FANCI: variants seen among roughly 807,000 people sequenced by gnomAD.
FANCI encodes the protein Fanconi anemia group I protein.
A neutral mutation model predicts 176.1 loss-of-function variants in FANCI; 156 were observed. The ratio of observed to expected loss-of-function variants is 0.89; its 90% CI spans 0.78 to 1.01. The LOEUF is 1.01. Ranked by LOEUF, FANCI falls within the 50% of genes least tolerant of loss-of-function variation. FANCI has a pLI of 0.00. For missense variants in FANCI, 1,678 were observed against 1,534.1 expected (o/e 1.09, Z -1.57); for synonymous variants, 613 against 541.7 (o/e 1.13, Z -1.83).
chr15:89,316,094 G>GCACT (rs2055237123), intron 37 of FANCI, among the ~76,000 whole-genome samples: 1 of 152,198 alleles, frequency 6.6e-6, no homozygotes, highest in African/African-American at 2.4e-5. Context: ...CTTGGCAGCT[G>GCACT]CACTCAGGAG....
chr15:89,276,896 G>A lies in FANCI; in HGVS notation c.1293+5G>A, dbSNP rs2053429799. On this transcript the variant is annotated splice_donor_5th_base_variant and intron_variant, in intron 13 of 37. Coordinates refer to ENST00000310775, the MANE Select transcript of FANCI (RefSeq NM_001113378.2). ...ATCCTGTTGGAAACTTTTAAGGTGA[G>A]ACACTATTTTGGCAACCACTCCCTA... 1 of 1,614,128 alleles carries A rather than the reference G, an allele frequency of 6.2e-7. No individual in the cohort carries two copies. The highest frequency in any genetic ancestry group is 8.5e-7 in the Non-Finnish European group (1 of 1,180,006).
At chr15:89,286,776 C>T (rs142838490) in intron 18 of FANCI, among the ~76,000 whole-genome samples, 328 of 152,266 alleles carry the variant, frequency 2.2e-3, no homozygotes, top group African/African-American at 7.6e-3. Context: ...ACAAGACAGT[C>T]AGCCTGTCCT....
At chr15:89,250,068 A>G (rs893321503) in intron 2 of FANCI, among the ~76,000 whole-genome samples, 1 of 152,228 alleles carries the variant, frequency 6.6e-6, no homozygotes, top group Non-Finnish European at 1.5e-5. Flanking sequence ...CTAAAAGTCA[A>G]AAAGCAAAGA....
chr15:89,308,413 A>T (rs1353662295), intron 34 of FANCI, among the ~76,000 whole-genome samples: 1 of 152,234 alleles, frequency 6.6e-6, no homozygotes, highest in Non-Finnish European at 1.5e-5. Context: ...CCACTTAGTC[A>T]TGCAGTAAAT....
intron 34 of FANCI, among the ~76,000 whole-genome samples, chr15:89,309,039 T>C (rs1567176564): frequency 6.6e-6 from 1 of 152,134 alleles, no homozygotes; most frequent in African/African-American, 2.4e-5. Flanking sequence ...GTTGAGACTC[T>C]CTGTCACCTT....
Position 89,316,451 on chromosome 15 carries a change from A to G in FANCI, c.3979A>G (p.Lys1327Glu). ...CAAAGAACCAGCCAAGAAGAAAAGG[A>G]AAAAATAAATGAAATGCCTGAGTTA... is the stretch of plus-strand genomic sequence containing the variant. ...QNKEPAKKKR[K>E]K Residue 1327 changes from lysine (K) to glutamate (E), a missense_variant, in exon 38 of 38, where the codon AAA becomes GAA. Physicochemically the swap from Lys to Glu is moderately conservative, Grantham distance 56. Coordinates refer to ENST00000310775, the MANE Select transcript of FANCI (RefSeq NM_001113378.2). 1 of 1,610,680 alleles carries G rather than the reference A, an allele frequency of 6.2e-7. No individual in the cohort carries two copies. The highest frequency in any genetic ancestry group is 1.1e-5 in the South Asian group (1 of 90,516).
At chr15:89,247,582 GTTTA>G in intron 1 of FANCI, 43 bp from the exon 2 acceptor site, 1 of 1,334,482 alleles carries the variant, frequency 7.5e-7, no homozygotes, top group Non-Finnish European at 1.1e-6. Flanking sequence ...AATCAAGTTT[GTTTA>G]TTTCTGGAAT....
intron 1 of FANCI, 136 bp from the exon 2 acceptor site, chr15:89,247,493 A>G (rs947602835): frequency 1.5e-6 from 1 of 686,888 alleles, no homozygotes; most frequent in Non-Finnish European, 2.6e-6. Flanking sequence ...AGAATCAGCT[A>G]CTTAAAGATA....
intron 14 of FANCI, among the ~76,000 whole-genome samples, chr15:89,280,128 TCTC>T (rs1215694999): frequency 3.3e-5 from 5 of 152,138 alleles, no homozygotes; most frequent in Admixed American, 6.5e-5. Context: ...TTCAAGCAAT[TCTC>T]CTGCCTCAGC....
intron 10 of FANCI, 96 bp from the exon 11 acceptor site, chr15:89,273,281 G>A (rs942662158): frequency 4.2e-6 from 3 of 715,288 alleles, no homozygotes; most frequent in Non-Finnish European, 7.4e-6. Flanking sequence ...TCTAGCCTGG[G>A]CAACAGAGAG....
rs941078547 is a variant in FANCI at position 89,317,069 on chromosome 15, T to C, written c.*610T>C. 1 of 590,984 alleles carries C rather than the reference T, an allele frequency of 1.7e-6. No individual in the cohort carries two copies. Among genetic ancestry groups the C allele is most frequent in the East Asian group, 2.9e-5 (1 of 34,936 alleles). The allele number at this position is 590,984 out of a possible 1,614,324, so 36.6% of individuals were successfully genotyped here. On this transcript the variant is annotated 3_prime_UTR_variant, in exon 38 of 38. Coordinates refer to ENST00000310775, the MANE Select transcript of FANCI (RefSeq NM_001113378.2). ...CTTGTTTGGTATTTAAAGCACAGTT[T>C]GTTTTTCTGTCACCTATAGAGTGCA...
intron 34 of FANCI, among the ~76,000 whole-genome samples, chr15:89,312,097 T>A (rs1314442305): frequency 2.0e-5 from 3 of 152,194 alleles, no homozygotes; most frequent in Non-Finnish European, 4.4e-5. Context: ...ACATAAAATA[T>A]ATCTGGTTTT....
At chr15:89,302,551 A>ACCC (rs1316512935) in intron 27 of FANCI, among the ~76,000 whole-genome samples, 22 of 151,836 alleles carry the variant, frequency 1.4e-4, no homozygotes, top group Admixed American at 7.9e-4. Context: ...TTCTCCCTTA[A>ACCC]CTTCAGGTAG....
At chr15:89,278,838 T>A in intron 14 of FANCI, 64 bp downstream of exon 14, 1 of 1,422,476 alleles carries the variant, frequency 7.0e-7, no homozygotes, top group South Asian at 1.2e-5. Context: ...GTCATAATCA[T>A]TTGGTCCTGG....
chr15:89,256,992 C>A (rs1182170931), intron 2 of FANCI, among the ~76,000 whole-genome samples: 1 of 152,166 alleles, frequency 6.6e-6, no homozygotes, highest in African/African-American at 2.4e-5. Flanking sequence ...CTGCAAGCTC[C>A]GCTTCCCGGG....
intron 1 of FANCI, chr15:89,245,313 T>C (rs1353526734): frequency 7.1e-6 from 1 of 139,970 alleles, no homozygotes; most frequent in African/African-American, 2.6e-5. Flanking sequence ...GGACTACAGG[T>C]GCGTGCCGTC....
In FANCI at chr15:89,285,205, T is replaced by A; in HGVS notation, c.1808T>A (p.Leu603His). 2 of 1,614,176 alleles carry A rather than the reference T, an allele frequency of 1.2e-6. No individual in the cohort carries two copies. Among genetic ancestry groups the A allele is most frequent in the Non-Finnish European group, 1.7e-6 (2 of 1,180,008 alleles). Residue 603 changes from leucine to histidine, a missense_variant, in exon 18 of 38, where the codon CTC becomes CAC. Coordinates refer to ENST00000310775, the MANE Select transcript of FANCI (RefSeq NM_001113378.2). Reference sequence around the variant, plus strand: ...TTAAGCCAGCAAGCTGATGTTCGACTCATGCTTTATGAGGTAAGTCCGTAG... The same window carrying A: ...TTAAGCCAGCAAGCTGATGTTCGACACATGCTTTATGAGGTAAGTCCGTAG... ...RCLSQQADVR[L>H]MLYEGFYDVL... is the part of the protein sequence containing the mutation.
At chr15:89,306,262 GCAGCAGCC>G (rs2054714367) in intron 32 of FANCI, 68 bp downstream of exon 32, 1 of 1,493,076 alleles carries the variant, frequency 6.7e-7, no homozygotes. Flanking sequence ...TGAGGATGGG[GCAGCAGCC>G]CACTGCTGCA....
intron 36 of FANCI, 117 bp from the exon 37 acceptor site, chr15:89,315,165 C>T (rs573066060): frequency 3.5e-5 from 27 of 777,228 alleles, no homozygotes; most frequent in Middle Eastern, 2.2e-4. Flanking sequence ...GAAGTGGGTG[C>T]GTGCTTGCTT....
Sources: gnomAD v4.1 joint callset for allele counts (sites outside exome capture counted in the v4.1 genomes callset) on GRCh38, gnomAD v4.1.1 for gene constraint, MANE v1.5 for transcripts, NCBI Gene and HGNC (gene_info 2026-07-23, HGNC 2026-07-21) for gene names.